KCNIP4: variants seen among roughly 807,000 people sequenced by gnomAD.
KCNIP4 encodes the protein Kv channel-interacting protein 4.
KCNIP4 carries 12 observed loss-of-function variants against 34.0 expected under a neutral mutation model. The ratio of observed to expected loss-of-function variants is 0.35; its 90% CI spans 0.23 to 0.57. The LOEUF (loss-of-function observed/expected upper bound fraction) is 0.57, where lower values mean the gene tolerates loss of function less well. Among genes scored for constraint, KCNIP4 ranks in the 20% least tolerant of loss-of-function variants. The pLI is 0.83. For missense variants in KCNIP4, 238 were observed against 311.7 expected (o/e 0.76, Z 1.78); for synonymous variants, 124 against 102.2 (o/e 1.21, Z -1.29).
rs530220971 is a variant in KCNIP4 at position 21,016,185 on chromosome 4, C to G, written c.62-133476G>C. On this transcript the variant is annotated intron_variant, in intron 1 of 8. Coordinates refer to ENST00000382152, the MANE Select transcript of KCNIP4 (RefSeq NM_025221.6). ...CTGCCACTCTAGGACCCTTTTCTGC[C>G]TCCTTACAAACTGGATGAGGGCTTA... Among the ~76,000 whole-genome samples, 22 of 151,488 alleles carry G rather than the reference C, an allele frequency of 1.5e-4. No homozygotes were observed. In the East Asian group the frequency reaches 4.3e-3, roughly 29 times the overall value.
chr4:20,732,153 A>G (rs1285251685), intron 7 of KCNIP4, 85 bp from the exon 8 acceptor site: 6 of 891,746 alleles, frequency 6.7e-6, no homozygotes, highest in Non-Finnish European at 1.1e-5. Flanking sequence ...AGCTGATAAA[A>G]AGAAAACCTA....
chr4:21,837,055 C>CTACAG (rs1222167271), intron 1 of KCNIP4, among the ~76,000 whole-genome samples: 2 of 150,882 alleles, frequency 1.3e-5, no homozygotes, highest in African/African-American at 4.9e-5. Context: ...ATAGCTGGGA[C>CTACAG]TACAGGGGCC....
intron 1 of KCNIP4, among the ~76,000 whole-genome samples, chr4:21,131,380 C>T (rs1469520194): frequency 1.3e-5 from 2 of 152,108 alleles, no homozygotes; most frequent in Non-Finnish European, 2.9e-5. Flanking sequence ...TCAGGGCAGT[C>T]GGGTGGATCA....
intron 1 of KCNIP4, among the ~76,000 whole-genome samples, chr4:21,741,326 A>G (rs1455835395): frequency 6.6e-6 from 1 of 152,154 alleles, no homozygotes; most frequent in Non-Finnish European, 1.5e-5. Context: ...GTCTGCAGGG[A>G]ACTCAAATAG....
intron 1 of KCNIP4, among the ~76,000 whole-genome samples, chr4:21,642,626 G>A (rs927033293): frequency 5.3e-5 from 8 of 151,988 alleles, no homozygotes; most frequent in South Asian, 2.1e-4. Flanking sequence ...ATGACCTTAC[G>A]CTCTGCTTGT....
At chr4:20,978,189 T>C (rs1185766287) in intron 1 of KCNIP4, among the ~76,000 whole-genome samples, 1 of 152,190 alleles carries the variant, frequency 6.6e-6, no homozygotes, top group Non-Finnish European at 1.5e-5. Context: ...ACATATGTGT[T>C]TGGTGTGCAG....
At chr4:20,821,613 G>A (rs1306597371) in intron 3 of KCNIP4, among the ~76,000 whole-genome samples, 2 of 151,952 alleles carry the variant, frequency 1.3e-5, no homozygotes, top group Non-Finnish European at 2.9e-5. Flanking sequence ...TCAATATGTA[G>A]CCTTTGATCT....
chr4:20,950,840 G>A (rs145358452), intron 1 of KCNIP4, among the ~76,000 whole-genome samples: 7 of 152,012 alleles, frequency 4.6e-5, no homozygotes, highest in Middle Eastern at 3.4e-3. Flanking sequence ...TTAAATGCAG[G>A]GTGCACTCTC....
chr4:21,944,243 G>A (rs1384560049), intron 1 of KCNIP4, among the ~76,000 whole-genome samples: 1 of 151,956 alleles, frequency 6.6e-6, no homozygotes, highest in African/African-American at 2.4e-5. Context: ...GAGGAAATAA[G>A]TGTCATAAAA....
chr4:20,854,369 T>A (rs1214773304), intron 2 of KCNIP4, among the ~76,000 whole-genome samples: 1 of 152,166 alleles, frequency 6.6e-6, no homozygotes, highest in African/African-American at 2.4e-5. Flanking sequence ...AGACTATTAT[T>A]CTAAGTGATG....
chr4:20,952,786 AT>A (rs1732911650), intron 1 of KCNIP4, among the ~76,000 whole-genome samples: 1 of 54,122 alleles, frequency 1.8e-5, no homozygotes, highest in South Asian at 4.3e-4. Context: ...CTATAATAAA[AT>A]ATTTTTTTGA....
intron 1 of KCNIP4, among the ~76,000 whole-genome samples, chr4:21,829,226 T>C (rs946577865): frequency 1.3e-5 from 2 of 152,010 alleles, no homozygotes; most frequent in African/African-American, 4.8e-5. Flanking sequence ...CCTCTATTTA[T>C]GATAGAGTTA....
chr4:21,366,266 T>C (rs1406159090), intron 1 of KCNIP4, among the ~76,000 whole-genome samples: 2 of 152,000 alleles, frequency 1.3e-5, no homozygotes, highest in Non-Finnish European at 2.9e-5. Flanking sequence ...CTATCCTCTT[T>C]AAAAAAATAA....
rs761685422 is a variant in KCNIP4 at position 20,731,962 on chromosome 4, G to T, written c.705+44C>A. On this transcript the variant is annotated intron_variant, in intron 8 of 8. Transcript: ENST00000382152. ...CTAGCTGCTAATACTCAGTTTAGCTGTTATGATAGCTGAATTGATAGTTAT... is the reference window on the plus strand; with the variant it reads ...CTAGCTGCTAATACTCAGTTTAGCTTTTATGATAGCTGAATTGATAGTTAT... The T allele has an allele frequency of 1.1e-5, 17 of 1,609,968 alleles. No homozygotes were observed. In the African/African-American group the frequency reaches 2.0e-4, roughly 19 times the overall value.
At chr4:21,472,495 T>A (rs1289740325) in intron 1 of KCNIP4, among the ~76,000 whole-genome samples, 1 of 152,196 alleles carries the variant, frequency 6.6e-6, no homozygotes, top group African/African-American at 2.4e-5. Flanking sequence ...GTGCATTTCA[T>A]TTCTTCTCTT....
chr4:21,551,153 G>T (rs1460496), intron 1 of KCNIP4, among the ~76,000 whole-genome samples: 35,866 of 151,896 alleles, frequency 0.24, 4,795 homozygotes, highest in Middle Eastern at 0.39. Context: ...AAAAACATTA[G>T]TTAATATAAA....
chr4:20,806,514 A>T (rs1274888673), intron 3 of KCNIP4, among the ~76,000 whole-genome samples: 1 of 150,950 alleles, frequency 6.6e-6, no homozygotes, highest in African/African-American at 2.4e-5. Context: ...ATTTTTTTTT[A>T]ATTTATTTTC....
At position 21,887,160 on chromosome 4, in the gene KCNIP4, GTC is replaced by G. The variant is rs543181468; in HGVS notation, c.61+61409_61+61410del. On this transcript the variant is annotated intron_variant, in intron 1 of 8. Transcript: ENST00000382152. ...TAAGAGTAGATGATAATGGCCTGGTGTCTTAGTCAGTTTGGGGTTCTATAACA... is the reference window on the plus strand; with the variant it reads ...TAAGAGTAGATGATAATGGCCTGGTGTTAGTCAGTTTGGGGTTCTATAACA... Among the ~76,000 whole-genome samples, 489 of 152,220 alleles carry G rather than the reference GTC, an allele frequency of 3.2e-3. 4 individuals carry two copies. Among genetic ancestry groups the G allele is most frequent in the Non-Finnish European group, 3.3e-3 (221 of 67,990 alleles).
chr4:21,461,828 C>T (rs575395082), intron 1 of KCNIP4, among the ~76,000 whole-genome samples: 2 of 152,098 alleles, frequency 1.3e-5, no homozygotes, highest in African/African-American at 4.8e-5. Context: ...TCTCCATAAA[C>T]TTGATGACCT....
Sources: gnomAD v4.1 joint callset for allele counts (sites outside exome capture counted in the v4.1 genomes callset) on GRCh38, gnomAD v4.1.1 for gene constraint, MANE v1.5 for transcripts, NCBI Gene and HGNC (gene_info 2026-07-23, HGNC 2026-07-21) for gene names.